Variants in TRPM3 observed in about 807,000 individuals in gnomAD.
The protein encoded by TRPM3 is transient receptor potential cation channel subfamily M member 3.
TRPM3 carries 77 observed loss-of-function variants against 181.2 expected under a neutral mutation model. The observed-to-expected ratio is 0.42, with a 90% CI of 0.35 to 0.51. The LOEUF (loss-of-function observed/expected upper bound fraction) is 0.51, where lower values mean the gene tolerates loss of function less well. Among genes scored for constraint, TRPM3 ranks in the 20% least tolerant of loss-of-function variants. The probability of loss-of-function intolerance (pLI) is 0.01; values close to 1 mark genes in which losing one functional copy is unlikely to be tolerated. For synonymous variants in TRPM3, 745 were observed against 796.4 expected (o/e 0.94, Z 1.09); for missense variants, 1,759 against 2,196.7 (o/e 0.80, Z 3.98).
intron 1 of TRPM3, among the ~76,000 whole-genome samples, chr9:71,238,105 A>G (rs946320881): frequency 6.6e-6 from 1 of 152,168 alleles, no homozygotes; most frequent in African/African-American, 2.4e-5. Context: ...TTTCAAATCA[A>G]AGTAACACCT....
chr9:70,817,325 G>A (rs932239714), intron 6 of TRPM3, among the ~76,000 whole-genome samples: 1 of 152,112 alleles, frequency 6.6e-6, no homozygotes, highest in Non-Finnish European at 1.5e-5. Context: ...ATTGCTTCTG[G>A]CCAGAATGTA....
At chr9:71,347,465 C>T (rs2091361685) in intron 1 of TRPM3, among the ~76,000 whole-genome samples, 1 of 152,186 alleles carries the variant, frequency 6.6e-6, no homozygotes, top group Non-Finnish European at 1.5e-5. Context: ...TTGAAATACA[C>T]TATTATCATG....
chr9:71,189,075 A>G (rs1054631875), intron 1 of TRPM3, among the ~76,000 whole-genome samples: 1 of 151,884 alleles, frequency 6.6e-6, no homozygotes, highest in African/African-American at 2.4e-5. Flanking sequence ...TACCACTTCA[A>G]TAAGGATACT....
chr9:70,811,096 A>G (rs1412024015), intron 6 of TRPM3: 11 of 1,198,796 alleles, frequency 9.2e-6, no homozygotes, highest in Non-Finnish European at 1.3e-5. Flanking sequence ...GAAATTATAA[A>G]GGAAATGAAG....
chr9:70,583,016 C>G (rs1047972800), intron 22 of TRPM3, among the ~76,000 whole-genome samples: 1 of 152,134 alleles, frequency 6.6e-6, no homozygotes, highest in Non-Finnish European at 1.5e-5. Context: ...TGTAGAAGTA[C>G]TCACTTCTCT....
intron 22 of TRPM3, among the ~76,000 whole-genome samples, chr9:70,562,432 A>G (rs935708058): frequency 6.6e-6 from 1 of 152,134 alleles, no homozygotes; most frequent in Admixed American, 6.6e-5. Context: ...CTACCTGGGG[A>G]AAAAAAGGGA....
intron 8 of TRPM3, among the ~76,000 whole-genome samples, chr9:70,744,290 T>A (rs926064977): frequency 2.1e-4 from 31 of 149,372 alleles, no homozygotes; most frequent in Non-Finnish European, 3.0e-5. Context: ...ATCATGCCAC[T>A]GCACCTCAGC....
intron 1 of TRPM3, chr9:70,916,887 T>C (rs1312168779): frequency 1.4e-6 from 1 of 691,862 alleles, no homozygotes; most frequent in Non-Finnish European, 2.4e-6. Flanking sequence ...AAGTCAGTGC[T>C]GGCAGATGGG....
At chr9:71,157,655 T>C (rs1345804161) in intron 1 of TRPM3, among the ~76,000 whole-genome samples, 1 of 152,148 alleles carries the variant, frequency 6.6e-6, no homozygotes, top group African/African-American at 2.4e-5. Flanking sequence ...AATTCAGTTA[T>C]TAGCTGCAAA....
intron 1 of TRPM3, among the ~76,000 whole-genome samples, chr9:71,317,841 T>C (rs1364663232): frequency 6.6e-6 from 1 of 152,162 alleles, no homozygotes; most frequent in African/African-American, 2.4e-5. Context: ...TAAATAAGCA[T>C]TAATCATCTT....
At chr9:71,138,798 C>G (rs905805228) in intron 1 of TRPM3, among the ~76,000 whole-genome samples, 1 of 152,128 alleles carries the variant, frequency 6.6e-6, no homozygotes, top group Non-Finnish European at 1.5e-5. Flanking sequence ...CTTTGATCCC[C>G]TCGGTGTACT....
At chr9:71,329,714 C>T (rs2089976335) in intron 1 of TRPM3, among the ~76,000 whole-genome samples, 2 of 152,170 alleles carry the variant, frequency 1.3e-5, no homozygotes, top group African/African-American at 4.8e-5. Context: ...TTCTCCTCCT[C>T]TATATTCTTC....
At chr9:71,147,212 G>A (rs2075458895) in intron 1 of TRPM3, among the ~76,000 whole-genome samples, 1 of 152,140 alleles carries the variant, frequency 6.6e-6, no homozygotes, top group African/African-American at 2.4e-5. Context: ...TCATCGAGGA[G>A]ATAGCTTCAT....
chr9:70,673,140 C>T (rs2063312286), intron 9 of TRPM3, among the ~76,000 whole-genome samples: 1 of 152,028 alleles, frequency 6.6e-6, no homozygotes, highest in Non-Finnish European at 1.5e-5. Flanking sequence ...GTTTCAATTT[C>T]CTAGTCTGTA....
chr9:70,962,544 A>C (rs2097146940), intron 1 of TRPM3, among the ~76,000 whole-genome samples: 1 of 152,188 alleles, frequency 6.6e-6, no homozygotes, highest in African/African-American at 2.4e-5. Flanking sequence ...AATGAGATGC[A>C]GTAGTTTCCC....
At chr9:71,132,838 C>T (rs1399600075) in intron 1 of TRPM3, among the ~76,000 whole-genome samples, 1 of 151,946 alleles carries the variant, frequency 6.6e-6, no homozygotes, top group African/African-American at 2.4e-5. Context: ...ATCAAATATT[C>T]TTAGAAAATA....
chr9:70,534,357 T>A lies in TRPM3; in HGVS notation c.*1596A>T, dbSNP rs1186481315. The stretch of plus-strand genomic sequence containing the variant: ...GGAAAAGTCATAGGAATTTAAAAAA[T>A]TCATAATTTCAACATTTGGTCTAAT... On this transcript the variant is annotated 3_prime_UTR_variant, in exon 26 of 26. Coordinates refer to ENST00000677713, the MANE Select transcript of TRPM3 (RefSeq NM_001366145.2). 1.3e-5 allele frequency: 2 copies of A among 152,204 alleles called. No individual in the cohort carries two copies. The highest frequency in any genetic ancestry group is 2.9e-5 in the Non-Finnish European group (2 of 68,036). The allele number at this position is 152,204 out of a possible 1,614,324, so 9.4% of individuals were successfully genotyped here.
intron 1 of TRPM3, among the ~76,000 whole-genome samples, chr9:71,063,222 G>T (rs2133381355): frequency 6.6e-6 from 1 of 152,230 alleles, no homozygotes; most frequent in Admixed American, 6.5e-5. Flanking sequence ...AAGTCACAAA[G>T]CTCTTAAACC....
At chr9:71,059,350 T>C (rs896560211) in intron 1 of TRPM3, among the ~76,000 whole-genome samples, 3 of 151,992 alleles carry the variant, frequency 2.0e-5, no homozygotes, top group East Asian at 1.9e-4. Flanking sequence ...TGGCTATTTA[T>C]TAAAAAGTTA....
Sources: allele counts gnomAD v4.1 joint callset (sites outside exome capture counted in the v4.1 genomes callset), GRCh38; gene constraint gnomAD v4.1.1; transcripts MANE v1.5; gene names NCBI Gene and HGNC (gene_info 2026-07-23, HGNC 2026-07-21).